CEP72: variants seen among roughly 807,000 people sequenced by gnomAD.
CEP72 encodes centrosomal protein 72.
A neutral mutation model predicts 65.7 loss-of-function variants in CEP72; 78 were observed. That is an observed-to-expected ratio of 1.19 (90% CI 0.99 to 1.43). CEP72 has a LOEUF of 1.43. Ranked by LOEUF, CEP72 falls within the 40% of genes most tolerant of loss-of-function variation. The pLI, the probability that CEP72 is intolerant of heterozygous loss-of-function variation, is 0.00. For synonymous variants in CEP72, 358 were observed against 351.7 expected, an observed-to-expected ratio of 1.02 and a Z score of -0.20; for missense variants, 914 against 832.9, an observed-to-expected ratio of 1.10 and a Z score of -1.20.
intron 10 of CEP72, among the ~76,000 whole-genome samples, chr5:646,117 C>T (rs889852835): frequency 1.3e-5 from 2 of 152,214 alleles, no homozygotes; most frequent in East Asian, 1.9e-4. Flanking sequence ...GTGAATTCGG[C>T]TTCTTTCCAC....
intron 9 of CEP72, chr5:640,856 C>T (rs1737968507): frequency 3.0e-6 from 3 of 985,474 alleles, no homozygotes; most frequent in Non-Finnish European, 3.6e-6. Context: ...AGGGACCCTC[C>T]ACCACTGGGC....
intron 6 of CEP72, 152 bp from the exon 7 acceptor site, chr5:637,365 C>T (rs571003659): frequency 5.4e-5 from 36 of 664,292 alleles, no homozygotes; most frequent in Admixed American, 3.0e-4. Flanking sequence ...TATGTATGCA[C>T]GTGGATAGGT....
intron 1 of CEP72, chr5:612,687 A>ATT: frequency 1.4e-6 from 1 of 729,858 alleles, no homozygotes; most frequent in Non-Finnish European, 1.6e-6. Context: ...CTATCGGGTC[A>ATT]CTGGTTCCGT....
intron 5 of CEP72, 124 bp downstream of exon 5, chr5:634,071 A>G (rs1737420413): frequency 6.1e-6 from 5 of 824,258 alleles, no homozygotes; most frequent in Non-Finnish European, 7.5e-6. Flanking sequence ...TAGGATCTTC[A>G]TGATGTGTCT....
rs1739234583 is a variant in CEP72, at chr5:653,316, C to G, written c.*163C>G. Reference sequence around the variant, plus strand: ...TATTCAGGACCTGTAGCTTGGTTTTCTAAAGCACCTCGTAAAATGATATGA... The same window carrying G: ...TATTCAGGACCTGTAGCTTGGTTTTGTAAAGCACCTCGTAAAATGATATGA... On this transcript the variant is annotated 3_prime_UTR_variant, in exon 12 of 12. Coordinates refer to ENST00000264935, the MANE Select transcript of CEP72 (RefSeq NM_018140.4). 1.7e-6 allele frequency: 1 copy of G among 591,264 alleles called. No individual in the cohort carries two copies. The highest frequency in any genetic ancestry group is 2.8e-6 in the Non-Finnish European group (1 of 360,830). 36.6% of individuals were successfully genotyped at this position (591,264 alleles called of 1,614,324 possible).
chr5:621,582 G>A (rs988812406), intron 3 of CEP72, among the ~76,000 whole-genome samples: 20 of 152,186 alleles, frequency 1.3e-4, no homozygotes, highest in Admixed American at 7.2e-4. Context: ...TTCGTGTGAC[G>A]TCAGCAAAGC....
intron 4 of CEP72, among the ~76,000 whole-genome samples, chr5:629,335 A>G (rs1737050068): frequency 6.6e-6 from 1 of 152,290 alleles, no homozygotes; most frequent in Non-Finnish European, 1.5e-5. Flanking sequence ...GTGCTAGGAA[A>G]AGTGTAATCA....
At chr5:622,766 C>T (rs528584639) in intron 3 of CEP72, among the ~76,000 whole-genome samples, 6 of 148,820 alleles carry the variant, frequency 4.0e-5, no homozygotes, top group Non-Finnish European at 7.4e-5. Context: ...CCCCCCAAGA[C>T]ACAGTGTCTG....
chr5:665,941 G>GCCCCGCCTTCCAT, exon 4 of CEP72: 1 of 378,594 alleles, frequency 2.6e-6, no homozygotes, highest in Non-Finnish European at 4.1e-6. Flanking sequence ...CCCCCTCCAG[G>GCCCCGCCTTCCAT]CCCCGCCTTC....
At chr5:643,623 C>G (rs1738210858) in intron 9 of CEP72, 2 of 985,242 alleles carry the variant, frequency 2.0e-6, no homozygotes, top group African/African-American at 1.7e-5. Context: ...GCTCAGCACC[C>G]CCGGCCCCAG....
At chr5:640,795 G>A in intron 9 of CEP72, 191 bp downstream of exon 9, 1 of 985,432 alleles carries the variant, frequency 1.0e-6, no homozygotes. Context: ...AACAGGCCTG[G>A]AGCACTTTGG....
At chr5:673,947 G>T in the CEP72 span, among the ~76,000 whole-genome samples, 1 of 152,230 alleles carries the variant, frequency 6.6e-6, no homozygotes, top group South Asian at 2.1e-4. Context: ...GCAGGCGTGT[G>T]TGTGCACATG....
chr5:633,800 G>C lies in CEP72; in HGVS notation c.544G>C (p.Ala182Pro), dbSNP rs62001013. 2 of 1,614,048 alleles carry C rather than the reference G, an allele frequency of 1.2e-6. No homozygotes were observed. The highest frequency in any genetic ancestry group is 1.7e-6 in the Non-Finnish European group (2 of 1,180,032). ...PHHPRAKCTEALAKQSLVMDA... is the reference protein window; with the variant it reads ...PHHPRAKCTEPLAKQSLVMDA... ...CCACCCCAGAGCCAAGTGCACCGAG[G>C]CCTTGGCCAAGCAGAGCCTGGTCAT... Residue 182 changes from alanine to proline, a missense_variant, in exon 5 of 12, where the codon GCC becomes CCC. Coordinates refer to ENST00000264935, the MANE Select transcript of CEP72 (RefSeq NM_018140.4).
At chr5:643,417 G>C (rs1394761822) in intron 9 of CEP72, 1 of 985,362 alleles carries the variant, frequency 1.0e-6, no homozygotes, top group Non-Finnish European at 1.2e-6. Context: ...AGATAAGCCT[G>C]AGGGGAATGG....
Position 612,377 on chromosome 5 carries a change from C to A in CEP72, c.16C>A (p.Pro6Thr). 1 of 1,491,376 alleles carries A rather than the reference C, an allele frequency of 6.7e-7. No individual in the cohort carries two copies. The highest frequency in any genetic ancestry group is 8.9e-7 in the Non-Finnish European group (1 of 1,125,738). The allele number at this position is 1,491,376 out of a possible 1,614,324, so 92.4% of individuals were successfully genotyped here. ...CGTTTGAAACATGGCGCGGGCTGGCCCTCGGCTGGTGCTGAGCGAGGAGGC... is the reference window on the plus strand; with the variant it reads ...CGTTTGAAACATGGCGCGGGCTGGCACTCGGCTGGTGCTGAGCGAGGAGGC... MARAG[P>T]RLVLSEEAVR... is the part of the protein sequence containing the mutation. Residue 6 changes from proline (P) to threonine (T), a missense_variant, in exon 1 of 12, where the codon CCT becomes ACT. Coordinates refer to ENST00000264935, the MANE Select transcript of CEP72 (RefSeq NM_018140.4).
chr5:657,287 C>T (rs545429890), downstream of CEP72, among the ~76,000 whole-genome samples: 2 of 152,286 alleles, frequency 1.3e-5, no homozygotes, highest in Non-Finnish European at 2.9e-5. Context: ...ATAAGACTCT[C>T]GGGCAGCATC....
chr5:638,967 C>T (rs964837400), intron 7 of CEP72, 122 bp from the exon 8 acceptor site: 6 of 1,280,972 alleles, frequency 4.7e-6, no homozygotes, highest in Middle Eastern at 2.5e-4. Flanking sequence ...AGGGCTGGGG[C>T]CTCAGGGCAC....
intron 11 of CEP72, among the ~76,000 whole-genome samples, chr5:650,363 TGACTGTGAGGCGTG>T (rs2126824206): frequency 8.7e-6 from 1 of 114,624 alleles, no homozygotes; most frequent in Non-Finnish European, 1.8e-5. Context: ...CTGTGAGGTG[TGACTGTGAGGCGTG>T]GACTGTGAGG....
chr5:643,640 C>G (rs1580003175), intron 9 of CEP72: 1 of 985,390 alleles, frequency 1.0e-6, no homozygotes, highest in East Asian at 1.1e-4. Context: ...CCAGGATGTG[C>G]CTGCTGGTGC....
Sources: allele counts gnomAD v4.1 joint callset (sites outside exome capture counted in the v4.1 genomes callset), GRCh38; gene constraint gnomAD v4.1.1; transcripts MANE v1.5; gene names NCBI Gene and HGNC (gene_info 2026-07-23, HGNC 2026-07-21).